Variants in LINGO2 observed in about 807,000 individuals in gnomAD.
LINGO2 encodes leucine-rich repeat and immunoglobulin-like domain-containing nogo receptor-interacting protein 2.
LINGO2 carries 14 observed loss-of-function variants against 30.6 expected under a neutral mutation model. The observed-to-expected ratio is 0.46, with a 90% CI of 0.30 to 0.72. The LOEUF (loss-of-function observed/expected upper bound fraction) is 0.72. LINGO2 is among the 30% of genes least tolerant of loss of function. LINGO2 has a pLI of 0.07. For missense variants in LINGO2, 729 were observed against 751.7 expected (o/e 0.97, Z 0.35); for synonymous variants, 317 against 288.5 (o/e 1.10, Z -1.00).
chr9:28,745,537 G>A, the LINGO2 span, among the ~76,000 whole-genome samples: 2 of 152,062 alleles, frequency 1.3e-5, no homozygotes, highest in East Asian at 3.8e-4. Flanking sequence ...AAAATTCCCA[G>A]ACGTTGAATG....
At chr9:28,830,588 A>G in the LINGO2 span, among the ~76,000 whole-genome samples, 2 of 152,218 alleles carry the variant, frequency 1.3e-5, no homozygotes, top group South Asian at 4.1e-4. Flanking sequence ...AGTCCAGGTA[A>G]GAGAACCCAA....
the LINGO2 span, among the ~76,000 whole-genome samples, chr9:29,027,715 T>C: frequency 1.3e-5 from 2 of 152,190 alleles, no homozygotes; most frequent in African/African-American, 2.4e-5. Flanking sequence ...GTTTCCGCAG[T>C]ACCACTTCAT....
At chr9:28,752,887 A>T in the LINGO2 span, among the ~76,000 whole-genome samples, 2 of 152,000 alleles carry the variant, frequency 1.3e-5, no homozygotes, top group African/African-American at 4.8e-5. Flanking sequence ...TTTGACCTCT[A>T]TGGACCTCCT....
intron 4 of LINGO2, among the ~76,000 whole-genome samples, chr9:28,206,164 CAAAAAAAAA>C (rs34169188): frequency 1.4e-5 from 1 of 73,526 alleles, no homozygotes; most frequent in Non-Finnish European, 2.5e-5. Flanking sequence ...GACCCTGTTT[CAAAAAAAAA>C]AAAAAAAAAA....
the LINGO2 span, among the ~76,000 whole-genome samples, chr9:28,708,522 T>C: frequency 3.4e-4 from 51 of 152,208 alleles, 2 homozygotes; most frequent in East Asian, 9.1e-3. Flanking sequence ...AATAATAAAA[T>C]GCTTATCTTT....
intron 4 of LINGO2, among the ~76,000 whole-genome samples, chr9:28,024,040 T>C (rs777432852): frequency 1.3e-5 from 2 of 152,156 alleles, no homozygotes; most frequent in Non-Finnish European, 2.9e-5. Context: ...CTCAATTCTA[T>C]GAGGAGTCCA....
intron 1 of LINGO2, among the ~76,000 whole-genome samples, chr9:28,592,047 A>C (rs1378685898): frequency 6.6e-6 from 1 of 152,106 alleles, no homozygotes; most frequent in Non-Finnish European, 1.5e-5. Context: ...ATCTCTTCCC[A>C]TAGTCATGGT....
At chr9:28,823,168 T>G in the LINGO2 span, among the ~76,000 whole-genome samples, 3 of 152,236 alleles carry the variant, frequency 2.0e-5, no homozygotes, top group African/African-American at 7.2e-5. Flanking sequence ...TTTCTCCCAC[T>G]CACCTTATTT....
chr9:27,996,469 T>C (rs1587645207), intron 5 of LINGO2, among the ~76,000 whole-genome samples: 1 of 152,274 alleles, frequency 6.6e-6, no homozygotes. Context: ...TGGAATCCTG[T>C]CATTTGCAGT....
intron 4 of LINGO2, among the ~76,000 whole-genome samples, chr9:28,063,683 C>T (rs1825224440): frequency 6.6e-6 from 1 of 152,086 alleles, no homozygotes; most frequent in African/African-American, 2.4e-5. Flanking sequence ...GTTACATTTT[C>T]CACTCTCAAA....
chr9:28,285,541 G>A (rs1016797233), intron 4 of LINGO2, among the ~76,000 whole-genome samples: 18 of 151,642 alleles, frequency 1.2e-4, no homozygotes, highest in African/African-American at 3.9e-4. Flanking sequence ...CAGCAGCTGG[G>A]ACTACAGGCA....
the LINGO2 span, among the ~76,000 whole-genome samples, chr9:28,697,846 C>CA: frequency 6.6e-6 from 1 of 151,844 alleles, no homozygotes; most frequent in Non-Finnish European, 1.5e-5. Context: ...TGGTTTTGGA[C>CA]AAAAAATAAT....
intron 4 of LINGO2, among the ~76,000 whole-genome samples, chr9:28,064,449 G>A (rs535496648): frequency 7.2e-5 from 11 of 152,202 alleles, no homozygotes; most frequent in African/African-American, 2.6e-4. Flanking sequence ...GGCTTGTCTC[G>A]GTATAGTAAC....
intron 4 of LINGO2, among the ~76,000 whole-genome samples, chr9:28,238,906 G>A (rs1821677368): frequency 6.6e-6 from 1 of 151,388 alleles, no homozygotes; most frequent in Non-Finnish European, 1.5e-5. Flanking sequence ...GACTAGCTAA[G>A]AAAAAAAGAG....
chr9:28,143,277 C>A lies in LINGO2; in HGVS notation c.-86-130872G>T, dbSNP rs147951159. Among the ~76,000 whole-genome samples, 392 of 152,182 alleles carry A rather than the reference C, an allele frequency of 2.6e-3. 1 individual carries two copies. The highest frequency in any genetic ancestry group is 4.5e-3 in the Admixed American group (69 of 15,290). On this transcript the variant is annotated intron_variant, in intron 4 of 5. Transcript: ENST00000379992. ...AATTTGCTGCATTTATTGAATAGTC[C>A]TGGAGAGTCAAAGAAAGCACAAATG...
chr9:28,197,049 T>C (rs545348828), intron 4 of LINGO2, among the ~76,000 whole-genome samples: 2 of 151,930 alleles, frequency 1.3e-5, no homozygotes, highest in Non-Finnish European at 2.9e-5. Context: ...AAGAGTGGAA[T>C]TGGAATGCTC....
chr9:28,702,626 G>A, the LINGO2 span, among the ~76,000 whole-genome samples: 1 of 151,782 alleles, frequency 6.6e-6, no homozygotes, highest in African/African-American at 2.4e-5. Context: ...CCTGGTTTTG[G>A]TATTAAGTTA....
Position 28,442,040 on chromosome 9 carries a change from C to T in LINGO2, c.-279+33900G>A, listed in dbSNP as rs574218261. Among the ~76,000 whole-genome samples, 46 of 150,914 alleles carry T rather than the reference C, an allele frequency of 3.0e-4. No individual in the cohort carries two copies. The South Asian group carries it at 6.4e-3, about 21-fold the overall frequency. ...TCTGCCAAGGGCAGTGTATTTGCAA[C>T]GTATATTTTCTATTTGATTTGTTTG... On this transcript the variant is annotated intron_variant, in intron 2 of 5. Transcript: ENST00000379992.
chr9:28,650,937 T>G (rs1379736482), intron 1 of LINGO2, among the ~76,000 whole-genome samples: 1 of 152,170 alleles, frequency 6.6e-6, no homozygotes, highest in African/African-American at 2.4e-5. Flanking sequence ...ACGCCTGTAA[T>G]CCCAGCACTT....
Sources: gnomAD v4.1 joint callset for allele counts (sites outside exome capture counted in the v4.1 genomes callset) on GRCh38, gnomAD v4.1.1 for gene constraint, MANE v1.5 for transcripts, NCBI Gene and HGNC (gene_info 2026-07-23, HGNC 2026-07-21) for gene names.